FAM163A: variants seen among roughly 807,000 people sequenced by gnomAD.
FAM163A encodes the protein protein FAM163A.
A neutral mutation model predicts 12.0 loss-of-function variants in FAM163A; 7 were observed. The observed-to-expected ratio is 0.58, with a 90% CI of 0.33 to 1.10. The LOEUF is 1.10. FAM163A is among the 50% of genes least tolerant of loss of function. The pLI is 0.03. For synonymous variants in FAM163A, 101 were observed against 91.0 expected (o/e 1.11, Z -0.62); for missense variants, 202 against 218.6 (o/e 0.92, Z 0.48).
At chr1:179,772,664 G>A (rs1292007854) in intron 1 of FAM163A, among the ~76,000 whole-genome samples, 1 of 152,054 alleles carries the variant, frequency 6.6e-6, no homozygotes, top group Admixed American at 6.5e-5. Context: ...GTTAGGATAG[G>A]GTTTAATTGG....
At chr1:179,741,187 C>T (rs1683589544), upstream of FAM163A, among the ~76,000 whole-genome samples, 1 of 152,168 alleles carries the variant, frequency 6.6e-6, no homozygotes, top group African/African-American at 2.4e-5. Context: ...TGTAGAAGTG[C>T]CCAATTTCAT....
chr1:179,736,235 G>T, the FAM163A span, among the ~76,000 whole-genome samples: 1 of 151,736 alleles, frequency 6.6e-6, no homozygotes, highest in East Asian at 1.9e-4. Context: ...TCAGTGGCAT[G>T]AAAAGGTAAC....
chr1:179,736,347 C>T, the FAM163A span, among the ~76,000 whole-genome samples: 1 of 151,382 alleles, frequency 6.6e-6, no homozygotes, highest in Non-Finnish European at 1.5e-5. Context: ...AAAAAATAAC[C>T]CAACTAAAAA....
intron 1 of FAM163A, among the ~76,000 whole-genome samples, chr1:179,750,434 T>C (rs1227221267): frequency 6.6e-6 from 1 of 152,098 alleles, no homozygotes; most frequent in Non-Finnish European, 1.5e-5. Context: ...CCTGAGGAAG[T>C]GATGATTGAG....
chr1:179,775,735 TA>T (rs1303231901), intron 1 of FAM163A, among the ~76,000 whole-genome samples: 1 of 152,012 alleles, frequency 6.6e-6, no homozygotes, highest in Non-Finnish European at 1.5e-5. Flanking sequence ...GATGAAAAAA[TA>T]AAAGAATATA....
intron 1 of FAM163A, among the ~76,000 whole-genome samples, chr1:179,787,825 T>G (rs1043158095): frequency 6.6e-6 from 1 of 152,206 alleles, no homozygotes; most frequent in Non-Finnish European, 1.5e-5. Flanking sequence ...TGGTGGAGAT[T>G]GGCAGTGCCC....
At chr1:179,752,589 C>T (rs1685443597) in intron 1 of FAM163A, among the ~76,000 whole-genome samples, 1 of 151,526 alleles carries the variant, frequency 6.6e-6, no homozygotes, top group South Asian at 2.1e-4. Flanking sequence ...ATAAGGAAGT[C>T]ATAAAATTCA....
chr1:179,803,631 C>T (rs1272171266), intron 1 of FAM163A, among the ~76,000 whole-genome samples: 1 of 151,946 alleles, frequency 6.6e-6, no homozygotes, highest in Non-Finnish European at 1.5e-5. Context: ...TGCAATGGCG[C>T]CATCTCAGCT....
chr1:179,777,664 G>A (rs1162030443), intron 1 of FAM163A, among the ~76,000 whole-genome samples: 4 of 152,170 alleles, frequency 2.6e-5, no homozygotes, highest in Non-Finnish European at 4.4e-5. Context: ...ACTCCCCTGG[G>A]AGATACAGTA....
chr1:179,747,261 C>T, intron 1 of FAM163A, among the ~76,000 whole-genome samples: 1 of 152,184 alleles, frequency 6.6e-6, no homozygotes, highest in South Asian at 2.1e-4. Flanking sequence ...GTCACTGCAT[C>T]AATCAGTGTG....
intron 1 of FAM163A, among the ~76,000 whole-genome samples, chr1:179,743,901 A>C (rs1333222131): frequency 6.6e-6 from 1 of 151,916 alleles, no homozygotes; most frequent in Non-Finnish European, 1.5e-5. Flanking sequence ...GCCCGCCGCC[A>C]CCCGGGGAGC....
chr1:179,788,562 T>C (rs1349550971), intron 1 of FAM163A, among the ~76,000 whole-genome samples: 1 of 152,198 alleles, frequency 6.6e-6, no homozygotes, highest in African/African-American at 2.4e-5. Flanking sequence ...GGTTTGCGGA[T>C]CCTAGCCCTG....
At chr1:179,807,932 G>A (rs1694180651) in intron 2 of FAM163A, 44 bp downstream of exon 2, 1 of 152,452 alleles carries the variant, frequency 6.6e-6, no homozygotes, top group Non-Finnish European at 1.5e-5. Flanking sequence ...CTGGGAGAGG[G>A]TGTCTGGGCC....
intron 1 of FAM163A, among the ~76,000 whole-genome samples, chr1:179,748,535 G>C (rs1399800237): frequency 6.6e-6 from 1 of 152,204 alleles, no homozygotes; most frequent in Non-Finnish European, 1.5e-5. Flanking sequence ...GATGAGCAAG[G>C]CATGGCCCCC....
upstream of FAM163A, among the ~76,000 whole-genome samples, chr1:179,740,135 A>T (rs950621962): frequency 1.1e-4 from 16 of 151,922 alleles, no homozygotes; most frequent in Non-Finnish European, 1.8e-4. Flanking sequence ...TCACTTGTAA[A>T]CCTGTAAACA....
upstream of FAM163A, chr1:179,742,728 T>C (rs1009264439): frequency 2.0e-5 from 3 of 152,420 alleles, no homozygotes; most frequent in African/African-American, 7.2e-5. Flanking sequence ...TCTCCTCGTG[T>C]CGAGGCATTG....
intron 2 of FAM163A, among the ~76,000 whole-genome samples, chr1:179,808,336 C>T (rs933121808): frequency 2.6e-5 from 4 of 152,386 alleles, no homozygotes; most frequent in African/African-American, 9.6e-5. Flanking sequence ...CAGCTTAAAA[C>T]AACACACAGT....
At chr1:179,791,462 CAG>C (rs1476881422) in intron 1 of FAM163A, among the ~76,000 whole-genome samples, 1 of 152,120 alleles carries the variant, frequency 6.6e-6, no homozygotes, top group East Asian at 1.9e-4. Context: ...TCTTTGGGGA[CAG>C]GGGATGGAAC....
the FAM163A span, among the ~76,000 whole-genome samples, chr1:179,728,799 G>A: frequency 5.9e-5 from 9 of 152,230 alleles, no homozygotes; most frequent in East Asian, 1.9e-4. Flanking sequence ...GTAAACTAGC[G>A]GAAGGCAAAG....
Sources: allele counts gnomAD v4.1 joint callset (sites outside exome capture counted in the v4.1 genomes callset), GRCh38; gene constraint gnomAD v4.1.1; transcripts MANE v1.5; gene names NCBI Gene and HGNC (gene_info 2026-07-23, HGNC 2026-07-21).